The following CDYL variants were observed in gnomAD, a reference collection of about 807,000 sequenced individuals.
The protein encoded by CDYL is chromodomain Y-like protein.
Under a neutral mutation model 47.3 loss-of-function variants are expected in CDYL, and 8 were observed. The ratio of observed to expected loss-of-function variants is 0.17; its 90% CI spans 0.10 to 0.31. The LOEUF is 0.31. CDYL is among the 10% of genes least tolerant of loss of function. The pLI, the probability that CDYL is intolerant of heterozygous loss-of-function variation, is 1.00. For synonymous variants in CDYL, 266 were observed against 265.0 expected, an observed-to-expected ratio of 1.00 and a Z score of -0.04; for missense variants, 471 against 701.4, an observed-to-expected ratio of 0.67 and a Z score of 3.71.
chr6:4,926,312 T>C (rs1356133274), intron 2 of CDYL, among the ~76,000 whole-genome samples: 1 of 151,816 alleles, frequency 6.6e-6, no homozygotes, highest in Non-Finnish European at 1.5e-5. Flanking sequence ...TTACGTTCAA[T>C]ATATGTAAAT....
intron 6 of CDYL, 147 bp from the exon 7 acceptor site, chr6:4,953,751 G>C: frequency 1.4e-6 from 1 of 701,704 alleles, no homozygotes; most frequent in Non-Finnish European, 2.3e-6. Context: ...CATATGTTAG[G>C]CCCGACATAT....
chr6:4,780,639 C>T (rs1758593669), intron 1 of CDYL, among the ~76,000 whole-genome samples: 1 of 152,084 alleles, frequency 6.6e-6, no homozygotes, highest in Non-Finnish European at 1.5e-5. Flanking sequence ...ACTTTCTCAT[C>T]AGTAAAATAG....
At chr6:4,755,749 C>T (rs1758064646) in intron 3 of CDYL, among the ~76,000 whole-genome samples, 1 of 152,154 alleles carries the variant, frequency 6.6e-6, no homozygotes, top group African/African-American at 2.4e-5. Context: ...GTTTTACCAC[C>T]TTCACTTTAC....
chr6:4,758,163 A>AAT (rs1397759259), intron 3 of CDYL, among the ~76,000 whole-genome samples: 1 of 150,606 alleles, frequency 6.6e-6, no homozygotes, highest in Admixed American at 6.6e-5. Flanking sequence ...AATATGGTGA[A>AAT]ATCCTGTCTC....
chr6:4,768,833 A>C (rs564654488), intron 3 of CDYL, among the ~76,000 whole-genome samples: 2 of 152,320 alleles, frequency 1.3e-5, no homozygotes, highest in East Asian at 3.9e-4. Context: ...GGTCAACATC[A>C]GCAGTGAAGT....
chr6:4,911,115 T>C (rs1033494481), intron 2 of CDYL, among the ~76,000 whole-genome samples: 2 of 152,216 alleles, frequency 1.3e-5, no homozygotes, highest in Non-Finnish European at 2.9e-5. Flanking sequence ...CGTGAGCCAC[T>C]GCGCCCAGCC....
At chr6:4,887,120 A>C (rs1023361160) in intron 1 of CDYL, among the ~76,000 whole-genome samples, 27 of 152,220 alleles carry the variant, frequency 1.8e-4, no homozygotes, top group African/African-American at 6.5e-4. Context: ...AGTTGAAACC[A>C]GTTAGTGTGA....
intron 1 of CDYL, among the ~76,000 whole-genome samples, chr6:4,712,693 G>T (rs1328530051): frequency 6.6e-6 from 1 of 152,208 alleles, no homozygotes; most frequent in African/African-American, 2.4e-5. Flanking sequence ...GATTCGGACT[G>T]TTAGAACGAG....
intron 2 of CDYL, among the ~76,000 whole-genome samples, chr6:4,900,779 G>GTGTGTGTGTGTGTGTATATATATA: frequency 1.9e-5 from 1 of 51,706 alleles, no homozygotes; most frequent in African/African-American, 6.3e-5. Context: ...GTATACGTGT[G>GTGTGTGTGTGTGTGTATATATATA]TATATATATA....
At chr6:4,773,148 A>G (rs1261852524), upstream of CDYL, 1 of 457,318 alleles carries the variant, frequency 2.2e-6, no homozygotes, top group African/African-American at 2.0e-5. The surrounding 1 kb of genome is among the most constrained non-coding windows in gnomAD (Gnocchi z 4.6). Context: ...GAATTGAATT[A>G]TGTTGGCCTA....
intron 1 of CDYL, among the ~76,000 whole-genome samples, chr6:4,795,256 C>G (rs1049703681): frequency 1.3e-5 from 2 of 151,868 alleles, no homozygotes; most frequent in African/African-American, 4.8e-5. Flanking sequence ...TTGTTTTACC[C>G]TTATTTTTAT....
At chr6:4,805,020 T>G (rs972077136) in intron 1 of CDYL, among the ~76,000 whole-genome samples, 4 of 152,160 alleles carry the variant, frequency 2.6e-5, no homozygotes, top group Non-Finnish European at 5.9e-5. Flanking sequence ...TTAGCTAGTT[T>G]GAATCAGATT....
At chr6:4,733,512 T>C (rs191418673) in intron 2 of CDYL, among the ~76,000 whole-genome samples, 2 of 152,114 alleles carry the variant, frequency 1.3e-5, no homozygotes. Context: ...CTAGTCTAAA[T>C]TGTTTGGTGT....
chr6:4,708,145 T>TAC (rs66538207), intron 1 of CDYL, among the ~76,000 whole-genome samples: 7 of 149,606 alleles, frequency 4.7e-5, no homozygotes, highest in African/African-American at 1.7e-4. Flanking sequence ...TTGTGTTGTG[T>TAC]ACACACACAC....
At chr6:4,824,355 T>C (rs1408144439) in intron 1 of CDYL, among the ~76,000 whole-genome samples, 1 of 152,094 alleles carries the variant, frequency 6.6e-6, no homozygotes, top group Non-Finnish European at 1.5e-5. Context: ...CCACACCATT[T>C]TACATTTCCA....
chr6:4,747,937 TGTC>T (rs1181953576), intron 3 of CDYL, among the ~76,000 whole-genome samples: 3 of 152,358 alleles, frequency 2.0e-5, no homozygotes, highest in Non-Finnish European at 2.9e-5. Flanking sequence ...AGGAGAGAAA[TGTC>T]GTACCTTCTC....
intron 3 of CDYL, among the ~76,000 whole-genome samples, chr6:4,768,211 C>G (rs1277484133): frequency 6.6e-6 from 1 of 152,208 alleles, no homozygotes; most frequent in Admixed American, 6.5e-5. Flanking sequence ...GATTTTAGCT[C>G]GCTAGTTCAG....
At chr6:4,766,381 T>C (rs1270767568) in intron 3 of CDYL, among the ~76,000 whole-genome samples, 1 of 152,054 alleles carries the variant, frequency 6.6e-6, no homozygotes. Context: ...GGCTAATTTT[T>C]TGTATTTTTA....
intron 1 of CDYL, among the ~76,000 whole-genome samples, chr6:4,789,147 C>T (rs1330983201): frequency 7.2e-5 from 11 of 152,188 alleles, no homozygotes; most frequent in Admixed American, 5.9e-4. Context: ...ATGATCTCTG[C>T]TCACTGCAGC....
Sources: allele counts gnomAD v4.1 joint callset (sites outside exome capture counted in the v4.1 genomes callset), GRCh38; gene constraint gnomAD v4.1.1; non-coding constraint Gnocchi (gnomAD v3.1); transcripts MANE v1.5; gene names NCBI Gene and HGNC (gene_info 2026-07-23, HGNC 2026-07-21).